Variants in INVS observed in about 807,000 individuals in gnomAD.
The protein encoded by INVS is inversin, also known as inversion of embryo turning homolog.
INVS carries 86 observed loss-of-function variants against 108.8 expected under a neutral mutation model. That is an observed-to-expected ratio of 0.79 (90% CI 0.66 to 0.95). The LOEUF (loss-of-function observed/expected upper bound fraction) is 0.95, where lower values mean the gene tolerates loss of function less well. Among genes scored for constraint, INVS ranks in the 40% least tolerant of loss-of-function variants. INVS has a pLI of 0.00. For synonymous variants in INVS, 455 were observed against 473.5 expected, an observed-to-expected ratio of 0.96 and a Z score of 0.51; for missense variants, 1,169 against 1,297.4, an observed-to-expected ratio of 0.90 and a Z score of 1.52.
intron 13 of INVS, among the ~76,000 whole-genome samples, chr9:100,285,868 G>T (rs949546985): frequency 8.5e-5 from 13 of 152,196 alleles, no homozygotes; most frequent in African/African-American, 3.1e-4. Flanking sequence ...TTTGCACGAA[G>T]CAATTTAAAC....
chr9:100,121,786 G>C (rs908893716), intron 2 of INVS, among the ~76,000 whole-genome samples: 1 of 151,952 alleles, frequency 6.6e-6, no homozygotes, highest in Non-Finnish European at 1.5e-5. Context: ...TAAGGTAGAA[G>C]CATAGATAAT....
chr9:100,263,962 C>G (rs1477687421), intron 10 of INVS, among the ~76,000 whole-genome samples: 6 of 152,292 alleles, frequency 3.9e-5, no homozygotes, highest in Admixed American at 6.5e-5. Context: ...TAAAATCCCA[C>G]TATGACTATG....
At chr9:100,285,715 A>G (rs762244153) in intron 13 of INVS, among the ~76,000 whole-genome samples, 4 of 152,240 alleles carry the variant, frequency 2.6e-5, no homozygotes, top group Non-Finnish European at 5.9e-5. Context: ...CCAGTCAGAC[A>G]ATCTTTTGTT....
intron 3 of INVS, among the ~76,000 whole-genome samples, chr9:100,168,851 G>C (rs1394593962): frequency 6.6e-6 from 1 of 152,112 alleles, no homozygotes. Flanking sequence ...TTTTAAGGTT[G>C]GATGTGTAAT....
At position 100,224,647 on chromosome 9, in the gene INVS, G is replaced by A. The variant is rs143484759; in HGVS notation, c.274-1415G>A. Among the ~76,000 whole-genome samples the A allele has an allele frequency of 2.1e-3, 319 of 151,428 alleles. 1 individual carries two copies. Among genetic ancestry groups the A allele is most frequent in the African/African-American group, 7.3e-3 (303 of 41,228 alleles). ...TCTTTTTTTTTTTGAAATGGAGTCC[G>A]GCTCTGTCACCCAGGTTAGAGTGCA... On this transcript the variant is annotated intron_variant, in intron 3 of 16. Coordinates refer to ENST00000262457, the MANE Select transcript of INVS (RefSeq NM_014425.5).
rs980700416 is a variant in INVS, at chr9:100,284,313, C to T, written c.1785-7C>T. 1.9e-6 allele frequency: 3 copies of T among 1,613,202 alleles called. No individual in the cohort carries two copies. The highest frequency in any genetic ancestry group is 2.5e-6 in the Non-Finnish European group (3 of 1,180,040). On this transcript the variant is annotated splice_region_variant and splice_polypyrimidine_tract_variant and intron_variant, in intron 12 of 16. Transcript: ENST00000262457. ...TTTTTCATCTTCTTCTTTGGCTTTG[C>T]TTCCAGAAAGCGAGAGGAAGAAAAC...
At chr9:100,216,511 C>G (rs1830992818) in intron 3 of INVS, among the ~76,000 whole-genome samples, 1 of 152,204 alleles carries the variant, frequency 6.6e-6, no homozygotes, top group Admixed American at 6.5e-5. Context: ...TCCTCAATGT[C>G]AAATAAGTCA....
intron 11 of INVS, among the ~76,000 whole-genome samples, chr9:100,270,641 G>A (rs1002575579): frequency 6.6e-6 from 1 of 151,742 alleles, no homozygotes; most frequent in Admixed American, 6.6e-5. Flanking sequence ...CCAGCTACTC[G>A]GGAGGCTGAG....
intron 2 of INVS, among the ~76,000 whole-genome samples, chr9:100,123,934 T>C: frequency 6.6e-6 from 1 of 152,150 alleles, no homozygotes; most frequent in East Asian, 1.9e-4. Context: ...GCCTCCCAAG[T>C]AGCTGGTATT....
chr9:100,201,906 G>C (rs193235284), intron 3 of INVS, among the ~76,000 whole-genome samples: 1 of 152,146 alleles, frequency 6.6e-6, no homozygotes, highest in Non-Finnish European at 1.5e-5. Context: ...GAGAATGGGC[G>C]CATATACTTA....
At chr9:100,199,920 C>T (rs1830488867) in intron 3 of INVS, among the ~76,000 whole-genome samples, 2 of 152,094 alleles carry the variant, frequency 1.3e-5, no homozygotes, top group South Asian at 4.1e-4. Context: ...TCTGTGACAC[C>T]AATTACACAT....
intron 12 of INVS, among the ~76,000 whole-genome samples, chr9:100,279,022 AT>A (rs1264205898): frequency 6.6e-6 from 1 of 152,210 alleles, no homozygotes; most frequent in Non-Finnish European, 1.5e-5. Flanking sequence ...TCCCTGCCAG[AT>A]TTAGAGAATA....
chr9:100,141,995 G>A (rs1013131707), intron 3 of INVS, among the ~76,000 whole-genome samples: 13 of 152,154 alleles, frequency 8.5e-5, no homozygotes, highest in African/African-American at 2.2e-4. Flanking sequence ...AGTGACTGAC[G>A]TGAAGGAGAA....
At chr9:100,214,967 G>A (rs1444243718) in intron 3 of INVS, 1 of 152,228 alleles carries the variant, frequency 6.6e-6, no homozygotes, top group Non-Finnish European at 1.5e-5. Flanking sequence ...CATAGTTAAT[G>A]TGTCCCATTC....
chr9:100,112,759 A>G lies in INVS; in HGVS notation c.106+8132A>G, dbSNP rs142889488. Among the ~76,000 whole-genome samples, 320 of 152,266 alleles carry G rather than the reference A, an allele frequency of 2.1e-3. 1 individual carries two copies. Among genetic ancestry groups the G allele is most frequent in the African/African-American group, 7.4e-3 (306 of 41,554 alleles). Reference sequence around the variant, plus strand: ...GCAGCATTAAAAGCCTTCCTGGGCTACATGTGGCCCACAGGCCACAGGTTG... The same window carrying G: ...GCAGCATTAAAAGCCTTCCTGGGCTGCATGTGGCCCACAGGCCACAGGTTG... On this transcript the variant is annotated intron_variant, in intron 2 of 16. Coordinates refer to ENST00000262457, the MANE Select transcript of INVS (RefSeq NM_014425.5).
intron 12 of INVS, among the ~76,000 whole-genome samples, chr9:100,281,072 GT>G (rs1833261238): frequency 6.6e-6 from 1 of 152,162 alleles, no homozygotes; most frequent in South Asian, 2.1e-4. Flanking sequence ...GCTGCTAATG[GT>G]TAGTTTGAAG....
At position 100,264,337 on chromosome 9, in the gene INVS, G is replaced by A. The variant is rs140581171; in HGVS notation, c.1465-485G>A. 2.4e-3 allele frequency among the ~76,000 whole-genome samples: 364 copies of A among 152,246 alleles called. 4 individuals are homozygous for A. Among genetic ancestry groups the A allele is most frequent in the African/African-American group, 8.2e-3 (339 of 41,550 alleles). On this transcript the variant is annotated intron_variant, in intron 10 of 16. Transcript: ENST00000262457. ...ATGCCCCTTATCACAGCCTTAATTG[G>A]CCAGGCATGTTGGCTCACGCCTGTA...
chr9:100,161,099 G>A (rs1480674460), intron 3 of INVS, among the ~76,000 whole-genome samples: 2 of 151,812 alleles, frequency 1.3e-5, no homozygotes, highest in African/African-American at 4.8e-5. Flanking sequence ...GCTGGGCATG[G>A]TGTAATCCCA....
intron 3 of INVS, among the ~76,000 whole-genome samples, chr9:100,171,508 T>A (rs985945908): frequency 6.6e-6 from 1 of 152,184 alleles, no homozygotes; most frequent in African/African-American, 2.4e-5. Context: ...TCAATATGTA[T>A]GTATTATTGA....
Sources: gnomAD v4.1 joint callset for allele counts (sites outside exome capture counted in the v4.1 genomes callset) on GRCh38, gnomAD v4.1.1 for gene constraint, MANE v1.5 for transcripts, NCBI Gene and HGNC (gene_info 2026-07-23, HGNC 2026-07-21) for gene names.